The following EFCC1 variants were observed in gnomAD, a reference collection of about 807,000 sequenced individuals.
EFCC1 encodes the protein EF-hand and coiled-coil domain-containing protein 1.
A neutral mutation model predicts 52.1 loss-of-function variants in EFCC1; 50 were observed. The ratio of observed to expected loss-of-function variants is 0.96; its 90% CI spans 0.76 to 1.21. The LOEUF (loss-of-function observed/expected upper bound fraction) is 1.21, where lower values mean the gene tolerates loss of function less well. Ranked by LOEUF, EFCC1 falls within the 50% of genes most tolerant of loss-of-function variation. The pLI is 0.00. For missense variants in EFCC1, 837 were observed against 867.3 expected, an observed-to-expected ratio of 0.97 and a Z score of 0.44; for synonymous variants, 399 against 396.5, an observed-to-expected ratio of 1.01 and a Z score of -0.08.
chr3:129,026,392 A>G (rs1352181180), intron 2 of EFCC1, among the ~76,000 whole-genome samples: 1 of 151,940 alleles, frequency 6.6e-6, no homozygotes, highest in Non-Finnish European at 1.5e-5. Context: ...TAGTGGAAAG[A>G]TTTCAATATT....
Position 129,030,686 on chromosome 3 carries a change from C to T in EFCC1, c.981-17C>T. 6.5e-7 allele frequency: 1 copy of T among 1,549,920 alleles called. No individual in the cohort carries two copies. Among genetic ancestry groups the T allele is most frequent in the South Asian group, 1.2e-5 (1 of 83,876 alleles). On this transcript the variant is annotated splice_polypyrimidine_tract_variant and intron_variant, in intron 2 of 7. Coordinates refer to ENST00000683648, the MANE Select transcript of EFCC1 (RefSeq NM_001377500.1). The stretch of plus-strand genomic sequence containing the variant: ...GTACTCTCCTCCTCAATGCCTGTGT[C>T]TCTCCCACGGCTGCAGGTCAGAGGA...
rs564427964 is a variant in EFCC1, at chr3:129,023,381, C to T, written c.981-7322C>T. 4.7e-5 allele frequency among the ~76,000 whole-genome samples: 7 copies of T among 149,710 alleles called. No homozygotes were observed. In the East Asian group the frequency reaches 7.9e-4, roughly 17 times the overall value. On this transcript the variant is annotated intron_variant, in intron 2 of 7. Transcript: ENST00000683648. ...ACCCAGGCTAGAGTGCAGGCTAGAG[C>T]GCAGTGGTGCGATCTTGGCTCACTG...
intron 2 of EFCC1, among the ~76,000 whole-genome samples, chr3:129,029,094 C>G (rs1478688295): frequency 6.6e-6 from 1 of 152,188 alleles, no homozygotes; most frequent in Non-Finnish European, 1.5e-5. Flanking sequence ...GATTCGAGTT[C>G]TCCCGTGTCC....
chr3:129,012,831 G>GGC (rs1406725060), intron 2 of EFCC1, among the ~76,000 whole-genome samples: 4 of 152,180 alleles, frequency 2.6e-5, no homozygotes, highest in Non-Finnish European at 5.9e-5. Context: ...GAAACATAAA[G>GGC]GCTACAGCTC....
chr3:129,032,095 C>T (rs181950681), intron 3 of EFCC1, among the ~76,000 whole-genome samples: 38 of 152,264 alleles, frequency 2.5e-4, no homozygotes, highest in Admixed American at 7.2e-4. Context: ...GGGAGCCCAC[C>T]GTCAAGGCCA....
At chr3:129,018,373 A>G (rs574123089) in intron 2 of EFCC1, among the ~76,000 whole-genome samples, 2 of 152,380 alleles carry the variant, frequency 1.3e-5, no homozygotes, top group African/African-American at 2.4e-5. Flanking sequence ...AATGGCTAGG[A>G]AAAAACTAAA....
chr3:129,038,708 G>T, intron 6 of EFCC1, 123 bp from the exon 7 acceptor site: 3 of 909,074 alleles, frequency 3.3e-6, no homozygotes, highest in Non-Finnish European at 5.4e-6. Flanking sequence ...GATGAGGGTG[G>T]GGGAGGAGCT....
chr3:129,002,712 G>T (rs1409087455), intron 1 of EFCC1: 4 of 225,412 alleles, frequency 1.8e-5, no homozygotes, highest in Admixed American at 1.8e-4. Context: ...GGGAGGTTTA[G>T]GAGACAGAAG....
intron 2 of EFCC1, among the ~76,000 whole-genome samples, chr3:129,012,787 C>T (rs1945386751): frequency 6.6e-6 from 1 of 152,210 alleles, no homozygotes; most frequent in African/African-American, 2.4e-5. Context: ...TCAATGTCCA[C>T]CTCATGAACT....
chr3:129,030,696 G>A lies in EFCC1; in HGVS notation c.981-7G>A. 1.1e-5 allele frequency: 17 copies of A among 1,550,916 alleles called. No individual in the cohort carries two copies. The highest frequency in any genetic ancestry group is 1.4e-5 in the Non-Finnish European group (16 of 1,146,506). ...CCTCAATGCCTGTGTCTCTCCCACG[G>A]CTGCAGGTCAGAGGATTCCCAGCTC... On this transcript the variant is annotated splice_polypyrimidine_tract_variant and splice_region_variant and intron_variant, in intron 2 of 7. Coordinates refer to ENST00000683648, the MANE Select transcript of EFCC1 (RefSeq NM_001377500.1).
intron 2 of EFCC1, among the ~76,000 whole-genome samples, chr3:129,007,447 G>T (rs1282526095): frequency 6.6e-6 from 1 of 152,146 alleles, no homozygotes; most frequent in Non-Finnish European, 1.5e-5. Context: ...ATGTGTCTTT[G>T]GGGAGAAAAC....
rs1176741419 is a variant in EFCC1, at chr3:129,002,261, C to T, written c.633C>T (p.Arg211=). The change falls in exon 1 of 8, where the codon CGC becomes CGT. Residue 211 remains arginine, a synonymous_variant. Transcript: ENST00000683648. ...TGGAGGAGGAGAATAGCAGCTTGCG[C>T]GAGTTGGTGGAGGACCTGCGCGCCG... ...ARLEEENSSL[R]ELVEDLRAAL... 2.6e-6 allele frequency: 4 copies of T among 1,531,178 alleles called. No homozygotes were observed. Among genetic ancestry groups the T allele is most frequent in the Non-Finnish European group, 8.7e-7 (1 of 1,144,924 alleles). 94.8% of individuals were successfully genotyped at this position (1,531,178 alleles called of 1,614,324 possible).
rs925276827 is a variant in EFCC1 at position 129,002,045 on chromosome 3, G to A, written c.417G>A (p.Glu139=). The change falls in exon 1 of 8, where the codon GAG becomes GAA. Residue 139 remains glutamate, a synonymous_variant. Transcript: ENST00000683648. Reference sequence around the variant, plus strand: ...TGGCGCTGCGCGCCGAGCCGCCGGAGCTCACCTTCCGCCAGTTCCACGCGC... The same window carrying A: ...TGGCGCTGCGCGCCGAGCCGCCGGAACTCACCTTCCGCCAGTTCCACGCGC... ...ARLALRAEPP[E]LTFRQFHARL... 17 of 1,543,294 alleles carry A rather than the reference G, an allele frequency of 1.1e-5. No individual in the cohort carries two copies. The highest frequency in any genetic ancestry group is 5.6e-5 in the African/African-American group (4 of 71,956).
chr3:129,003,288 G>C (rs1458326151), intron 1 of EFCC1: 1 of 985,188 alleles, frequency 1.0e-6, no homozygotes, highest in Admixed American at 6.1e-5. Context: ...TCTCATGCTT[G>C]GTATTTATTG....
chr3:129,022,197 C>T (rs565234137), intron 2 of EFCC1, among the ~76,000 whole-genome samples: 1 of 152,288 alleles, frequency 6.6e-6, no homozygotes, highest in East Asian at 1.9e-4. Context: ...TTTAGAAGGA[C>T]CATGTCATTT....
At chr3:129,004,465 A>G (rs1379572680) in intron 2 of EFCC1, among the ~76,000 whole-genome samples, 3 of 138,092 alleles carry the variant, frequency 2.2e-5, no homozygotes, top group Non-Finnish European at 4.6e-5. Flanking sequence ...CCATCCATCT[A>G]TTCATCCATC....
At chr3:129,019,902 G>A (rs1945759686) in intron 2 of EFCC1, among the ~76,000 whole-genome samples, 1 of 151,304 alleles carries the variant, frequency 6.6e-6, no homozygotes, top group Non-Finnish European at 1.5e-5. Flanking sequence ...CCAAGTAGCT[G>A]GGACTATAGG....
chr3:129,014,513 C>T lies in EFCC1; in HGVS notation c.980+10436C>T, dbSNP rs777543395. Among the ~76,000 whole-genome samples the T allele has an allele frequency of 1.3e-5, 2 of 152,206 alleles. No homozygotes were observed. Among genetic ancestry groups the T allele is most frequent in the Admixed American group, 6.5e-5 (1 of 15,282 alleles). On this transcript the variant is annotated intron_variant, in intron 2 of 7. Coordinates refer to ENST00000683648, the MANE Select transcript of EFCC1 (RefSeq NM_001377500.1). This position sits in a 1 kb window ranked among gnomAD's most constrained non-coding sequence, Gnocchi z 4.3. ...TAATCCCCTCTTCTTAGAAGGACAC[C>T]AGTCAGACTGGATTAGGGCCCACCC...
At chr3:129,015,926 G>T (rs973131772) in intron 2 of EFCC1, among the ~76,000 whole-genome samples, 2 of 152,358 alleles carry the variant, frequency 1.3e-5, no homozygotes, top group Admixed American at 1.3e-4. Flanking sequence ...CAGAGTAGGT[G>T]CTGCAGCGTG....
Sources: gnomAD v4.1 joint callset for allele counts (sites outside exome capture counted in the v4.1 genomes callset) on GRCh38, gnomAD v4.1.1 for gene constraint, Gnocchi (gnomAD v3.1) non-coding constraint, MANE v1.5 for transcripts, NCBI Gene and HGNC (gene_info 2026-07-23, HGNC 2026-07-21) for gene names.